Variants in RRP1B observed in about 807,000 individuals in gnomAD.
The protein encoded by RRP1B is ribosomal RNA processing 1B, also known as ribosomal RNA processing protein 1 homolog B.
A neutral mutation model predicts 80.2 loss-of-function variants in RRP1B; 56 were observed. The observed-to-expected ratio is 0.70, with a 90% CI of 0.56 to 0.87. RRP1B has a LOEUF of 0.87. Among genes scored for constraint, RRP1B ranks in the 40% least tolerant of loss-of-function variants. RRP1B has a pLI of 0.00. For synonymous variants in RRP1B, 351 were observed against 357.6 expected (o/e 0.98, Z 0.21); for missense variants, 807 against 939.8 (o/e 0.86, Z 1.85).
At chr21:43,675,621 A>G (rs1292590325) in intron 6 of RRP1B, among the ~76,000 whole-genome samples, 2 of 152,108 alleles carry the variant, frequency 1.3e-5, no homozygotes, top group Non-Finnish European at 2.9e-5. Context: ...GGGAACATGT[A>G]TTTTTTTGAT....
chr21:43,669,098 T>C (rs1161918521), intron 1 of RRP1B, among the ~76,000 whole-genome samples: 1 of 151,874 alleles, frequency 6.6e-6, no homozygotes, highest in East Asian at 1.9e-4. Flanking sequence ...ACAGGGAGGG[T>C]GATTGACAAA....
rs770126824 is a variant in RRP1B at position 43,676,302 on chromosome 21, G to T, written c.580G>T (p.Asp194Tyr). ...AGCAGATCAGAATCTCAAGTTTATC[G>T]ATCCATTCTGCAAAATTGCTGCGAA... ...LLADQNLKFI[D>Y]PFCKIAAKTK... The change falls in exon 7 of 16, where the codon GAT becomes TAT. Residue 194 changes from aspartate (D) to tyrosine (Y), a missense_variant. Physicochemically the swap from Asp to Tyr is radical, Grantham distance 160. Transcript: ENST00000340648. The T allele has an allele frequency of 1.9e-6, 3 of 1,612,684 alleles. No individual in the cohort carries two copies. The Admixed American group carries it at 5.0e-5, about 27-fold the overall frequency.
At position 43,666,792 on chromosome 21, in the gene RRP1B, G is replaced by A. The variant is rs147054082; in HGVS notation, c.131-3092G>A. On this transcript the variant is annotated intron_variant, in intron 1 of 15. Coordinates refer to ENST00000340648, the MANE Select transcript of RRP1B (RefSeq NM_015056.3). Reference sequence around the variant, plus strand: ...GTTTTTCTCATCAAATGTTTTTTATGAGCAATCCAAATGAGGACCACCCAC... The same window carrying A: ...GTTTTTCTCATCAAATGTTTTTTATAAGCAATCCAAATGAGGACCACCCAC... 3.8e-3 allele frequency among the ~76,000 whole-genome samples: 580 copies of A among 151,510 alleles called. 4 individuals carry two copies. The highest frequency in any genetic ancestry group is 0.013 in the African/African-American group (555 of 41,314).
At chr21:43,685,690 T>A in intron 10 of RRP1B, 80 bp from the exon 11 acceptor site, 3 of 1,049,162 alleles carry the variant, frequency 2.9e-6, no homozygotes, top group Non-Finnish European at 2.6e-6. Flanking sequence ...CAAATACATA[T>A]GTCTACAGAA....
Position 43,693,269 on chromosome 21 carries a change from C to T in RRP1B, c.2163C>T (p.Pro721=), listed in dbSNP as rs755928849. Residue 721 remains proline (P), a synonymous_variant, in exon 16 of 16, where the codon CCC becomes CCT. Coordinates refer to ENST00000340648, the MANE Select transcript of RRP1B (RefSeq NM_015056.3). The surrounding 1 kb of genome is among the most constrained non-coding windows in gnomAD (Gnocchi z 4.1). ...SRVAFDPEQK[P]LHGVLKTPTS... Reference sequence around the variant, plus strand: ...TGGCCTTCGACCCTGAACAGAAGCCCCTCCACGGGGTGCTGAAGACCCCCA... The same window carrying T: ...TGGCCTTCGACCCTGAACAGAAGCCTCTCCACGGGGTGCTGAAGACCCCCA... 1.9e-6 allele frequency: 3 copies of T among 1,614,038 alleles called. No homozygotes were observed. Among genetic ancestry groups the T allele is most frequent in the Non-Finnish European group, 2.5e-6 (3 of 1,180,000 alleles).
chr21:43,665,128 G>C (rs1375825719), intron 1 of RRP1B, among the ~76,000 whole-genome samples: 5 of 152,238 alleles, frequency 3.3e-5, no homozygotes, highest in Non-Finnish European at 7.3e-5. Context: ...CCTGTTACAG[G>C]TGTGGGCTAT....
chr21:43,695,517 T>C lies in RRP1B; in HGVS notation c.*2134T>C, dbSNP rs2083103996. ...CTCCGAACTTACTCCTTTTTATGGG[T>C]AAGTCAACTAGGTTTACAGTCCCTT... On this transcript the variant is annotated 3_prime_UTR_variant, in exon 16 of 16. Coordinates refer to ENST00000340648, the MANE Select transcript of RRP1B (RefSeq NM_015056.3). 6.6e-6 allele frequency: 1 copy of C among 152,236 alleles called. No individual in the cohort carries two copies. Among genetic ancestry groups the C allele is most frequent in the Non-Finnish European group, 1.5e-5 (1 of 68,042 alleles). The allele number at this position is 152,236 out of a possible 1,614,324, so 9.4% of individuals were successfully genotyped here.
At chr21:43,676,126 T>C in intron 6 of RRP1B, 146 bp from the exon 7 acceptor site, 1 of 604,204 alleles carries the variant, frequency 1.7e-6, no homozygotes, top group Non-Finnish European at 2.9e-6. Flanking sequence ...TTCTGTGGCA[T>C]TCCACAGGGG....
intron 9 of RRP1B, 57 bp from the exon 10 acceptor site, chr21:43,684,496 C>A (rs916472471): frequency 1.4e-6 from 2 of 1,461,618 alleles, no homozygotes; most frequent in Non-Finnish European, 1.9e-6. Flanking sequence ...TGTAAATGGC[C>A]AAGTCAGGCA....
At position 43,687,631 on chromosome 21, in the gene RRP1B, A is replaced by G. The variant is rs751799187; in HGVS notation, c.1257A>G (p.Ala419=). The G allele has an allele frequency of 6.4e-6, 10 of 1,551,404 alleles. No individual in the cohort carries two copies. The African/African-American group carries it at 1.4e-4, about 21-fold the overall frequency. Residue 419 remains alanine, a synonymous_variant, in exon 13 of 16, where the codon GCA becomes GCG. Transcript: ENST00000340648. ...CTGAAAATCCAGGCCCAGGGGGTGC[A>G]GCCCCATCCCTGGAACAGAACCGGG... ...LQPENPGPGG[A]APSLEQNRGR... is the part of the protein sequence containing the mutation.
chr21:43,661,763 C>G (rs557487519), intron 1 of RRP1B, among the ~76,000 whole-genome samples: 6 of 152,320 alleles, frequency 3.9e-5, no homozygotes, highest in African/African-American at 1.4e-4. Context: ...CTCTTCCTGC[C>G]TAAGCCCCGT....
At chr21:43,683,232 G>C (rs141335811) in intron 8 of RRP1B, 47 bp from the exon 9 acceptor site, 12 of 1,468,156 alleles carry the variant, frequency 8.2e-6, no homozygotes. Context: ...AGTCACTTCT[G>C]TGTATTTGAT....
rs562860079 is a variant in RRP1B, at chr21:43,688,251, A to G, written c.1866+11A>G. ...CAACCCCAGGCTCTGGTAAGGTGGG[A>G]GCACCCACAGGCCAGCTCGCCACAG... On this transcript the variant is annotated intron_variant, in intron 13 of 15. Transcript: ENST00000340648. The G allele has an allele frequency of 5.9e-6, 9 of 1,522,454 alleles. No homozygotes were observed. In the East Asian group the frequency reaches 2.2e-4, roughly 37 times the overall value. 94.3% of individuals were successfully genotyped at this position (1,522,454 alleles called of 1,614,324 possible). A position where few individuals can be genotyped will look rare whatever the true frequency, so the allele number is the denominator to read the frequency against.
At chr21:43,674,383 C>T (rs2083012624) in intron 4 of RRP1B, among the ~76,000 whole-genome samples, 1 of 152,156 alleles carries the variant, frequency 6.6e-6, no homozygotes, top group Admixed American at 6.5e-5. Context: ...TCTTGAACTC[C>T]TGGCCTCAAA....
intron 13 of RRP1B, among the ~76,000 whole-genome samples, chr21:43,688,826 G>A (rs558649409): frequency 3.7e-4 from 56 of 152,308 alleles, no homozygotes; most frequent in African/African-American, 1.3e-3. Context: ...GTCTGGCTGT[G>A]TCACCCAGGC....
At chr21:43,676,402 G>C in intron 7 of RRP1B, 66 bp downstream of exon 7, 2 of 1,247,926 alleles carry the variant, frequency 1.6e-6, no homozygotes, top group South Asian at 1.3e-5. Flanking sequence ...ACTTGCCGTC[G>C]TGCAGCCTGG....
intron 13 of RRP1B, among the ~76,000 whole-genome samples, 167 bp downstream of exon 13, chr21:43,688,407 C>T (rs1340114473): frequency 2.6e-5 from 4 of 152,242 alleles, no homozygotes; most frequent in Admixed American, 1.3e-4. Context: ...AGGAGGAAAT[C>T]ACAGGTGACC....
rs2083084830 is a variant in RRP1B at position 43,691,194 on chromosome 21, C to T, written c.2020-245C>T. On this transcript the variant is annotated intron_variant, in intron 14 of 15. Transcript: ENST00000340648. This position sits in a 1 kb window ranked among gnomAD's most constrained non-coding sequence, Gnocchi z 4.2. ...GGGCCAAGAGTGTGGGCACCACTGACCCTGGGCTGGGGGGTTGCGTGTGTG... is the reference window on the plus strand; with the variant it reads ...GGGCCAAGAGTGTGGGCACCACTGATCCTGGGCTGGGGGGTTGCGTGTGTG... 6.6e-6 allele frequency among the ~76,000 whole-genome samples: 1 copy of T among 152,184 alleles called. No individual in the cohort carries two copies. The highest frequency in any genetic ancestry group is 2.4e-5 in the African/African-American group (1 of 41,438).
rs2083085794 is a variant in RRP1B at position 43,691,444 on chromosome 21, CAA to C, written c.2026_2027del (p.Lys676AspfsTer42). The C allele has an allele frequency of 6.2e-7, 1 of 1,613,874 alleles. No individual in the cohort carries two copies. Among genetic ancestry groups the C allele is most frequent in the African/African-American group, 1.3e-5 (1 of 74,922 alleles). On this transcript the variant is annotated frameshift_variant, in exon 15 of 16. Coordinates refer to ENST00000340648, the MANE Select transcript of RRP1B (RefSeq NM_015056.3). LOFTEE classifies it high-confidence loss of function. The surrounding 1 kb of genome is among the most constrained non-coding windows in gnomAD (Gnocchi z 4.2). ...HPPGPAVQLN[K>X]TPSSSKKVTF... ...CTGTTATTTCTCTTCTGCAGCTAAACAAGACACCATCCAGCTCCAAGAAAGTC... is the reference window on the plus strand; with the variant it reads ...CTGTTATTTCTCTTCTGCAGCTAAACGACACCATCCAGCTCCAAGAAAGTC...
Sources: allele counts gnomAD v4.1 joint callset (sites outside exome capture counted in the v4.1 genomes callset), GRCh38; gene constraint gnomAD v4.1.1; non-coding constraint Gnocchi (gnomAD v3.1); transcripts MANE v1.5; gene names NCBI Gene and HGNC (gene_info 2026-07-23, HGNC 2026-07-21).